Variants in M1AP observed in about 807,000 individuals in gnomAD.
The protein encoded by M1AP is meiosis 1 arrest protein.
A neutral mutation model predicts 51.2 loss-of-function variants in M1AP; 39 were observed. The observed-to-expected ratio is 0.76, with a 90% CI of 0.59 to 1.00. The LOEUF is 1.00. Ranked by LOEUF, M1AP falls within the 50% of genes least tolerant of loss-of-function variation. M1AP has a pLI of 0.00. For synonymous variants in M1AP, 251 were observed against 249.2 expected, an observed-to-expected ratio of 1.01 and a Z score of -0.07; for missense variants, 545 against 641.2, an observed-to-expected ratio of 0.85 and a Z score of 1.62.
chr2:74,561,238 G>GAGGAGAAGGAGGAGGAGGAGA (rs1677981733), intron 8 of M1AP, among the ~76,000 whole-genome samples: 1 of 146,130 alleles, frequency 6.8e-6, no homozygotes, highest in Non-Finnish European at 1.5e-5. Flanking sequence ...GGAGAAGGAG[G>GAGGAGAAGGAGGAGGAGGAGA]AGGAGGAGGA....
At chr2:74,645,398 A>G (rs1025191929) in intron 1 of M1AP, among the ~76,000 whole-genome samples, 2 of 152,170 alleles carry the variant, frequency 1.3e-5, no homozygotes, top group African/African-American at 4.8e-5. Flanking sequence ...GCTGGGCCAT[A>G]AGGCACGTAT....
At chr2:74,560,048 G>C (rs1364182648) in intron 9 of M1AP, 103 bp downstream of exon 9, 2 of 1,300,576 alleles carry the variant, frequency 1.5e-6, no homozygotes, top group Non-Finnish European at 2.1e-6. Context: ...TACTCCCTTG[G>C]ATGGGGGCGG....
chr2:74,561,531 C>T (rs1268312939), intron 8 of M1AP, among the ~76,000 whole-genome samples: 4 of 152,206 alleles, frequency 2.6e-5, no homozygotes, highest in East Asian at 1.9e-4. Flanking sequence ...CAGACACACT[C>T]GGGCACAAAA....
intron 4 of M1AP, among the ~76,000 whole-genome samples, chr2:74,591,127 T>A (rs774915054): frequency 1.3e-5 from 2 of 152,196 alleles, no homozygotes; most frequent in Non-Finnish European, 2.9e-5. Flanking sequence ...TAAGGGATGA[T>A]AGAGTATAAA....
chr2:74,562,561 G>T (rs1012373750), intron 7 of M1AP, 138 bp from the exon 8 acceptor site: 5 of 787,788 alleles, frequency 6.3e-6, no homozygotes, highest in Non-Finnish European at 1.0e-5. Flanking sequence ...CTGGTAGGGA[G>T]GGACTTCCTG....
chr2:74,593,777 A>T (rs1680176422), intron 4 of M1AP, among the ~76,000 whole-genome samples: 1 of 152,260 alleles, frequency 6.6e-6, no homozygotes, highest in Admixed American at 6.5e-5. Context: ...TAACCAAGTA[A>T]ACCAGCAAGG....
Position 74,575,500 on chromosome 2 carries a change from G to A in M1AP, c.1012C>T (p.Leu338=). 1 of 1,614,136 alleles carries A rather than the reference G, an allele frequency of 6.2e-7. No individual in the cohort carries two copies. The highest frequency in any genetic ancestry group is 1.1e-5 in the South Asian group (1 of 91,088). The part of the protein sequence containing the change: ...FILRPTSCWQ[L]DWDELETNQQ... ...TTTGTCTCCAGCTCATCCCAGTCCA[G>A]CTGCCAACAGCTTGTAGGTCTGAGG... The change falls in exon 7 of 11, where the codon CTG becomes TTG. Residue 338 remains leucine (L), a synonymous_variant. Transcript: ENST00000421985.
intron 7 of M1AP, 135 bp downstream of exon 7, chr2:74,575,302 CA>C: frequency 1.4e-6 from 2 of 1,469,392 alleles, no homozygotes; most frequent in South Asian, 2.8e-5. Flanking sequence ...CTCCAAATTT[CA>C]GAGTATTTCC....
chr2:74,558,979 C>T, intron 10 of M1AP, 105 bp from the exon 11 acceptor site: 2 of 1,128,996 alleles, frequency 1.8e-6, no homozygotes, highest in Non-Finnish European at 2.4e-6. Flanking sequence ...AGTTCATTCC[C>T]TGGAGTGACA....
intron 10 of M1AP, among the ~76,000 whole-genome samples, chr2:74,559,365 G>T (rs545854518): frequency 6.0e-4 from 92 of 152,142 alleles, no homozygotes; most frequent in South Asian, 6.0e-3. Context: ...TTGCCATGTT[G>T]CCCAGGCTGG....
chr2:74,594,721 A>G (rs1320470035), intron 4 of M1AP, among the ~76,000 whole-genome samples: 4 of 152,048 alleles, frequency 2.6e-5, no homozygotes, highest in Admixed American at 1.3e-4. Flanking sequence ...AAAAAAAATT[A>G]CAAAAATTAG....
Position 74,612,923 on chromosome 2 carries a change from C to A in M1AP, c.426+2041G>T, listed in dbSNP as rs1424759081. Among the ~76,000 whole-genome samples, 6 of 151,990 alleles carry A rather than the reference C, an allele frequency of 3.9e-5. No individual in the cohort carries two copies. In the East Asian group the frequency reaches 1.2e-3, roughly 29 times the overall value. ...GTATTCCCGTTACATGTAAGTCGTA[C>A]CTTTTATAGTTGTCCCACAGTTCTT... On this transcript the variant is annotated intron_variant, in intron 3 of 10. Coordinates refer to ENST00000421985, the MANE Select transcript of M1AP (RefSeq NM_001321739.2).
At chr2:74,586,400 A>T (rs1277621498) in intron 4 of M1AP, among the ~76,000 whole-genome samples, 3 of 151,850 alleles carry the variant, frequency 2.0e-5, no homozygotes, top group Admixed American at 6.6e-5. Context: ...TTTTCCTGTA[A>T]CTCTTGAGCT....
Position 74,558,822 on chromosome 2 carries a change from A to T in M1AP, c.1487T>A (p.Met496Lys). 6.2e-7 allele frequency: 1 copy of T among 1,608,428 alleles called. No homozygotes were observed. The highest frequency in any genetic ancestry group is 8.5e-7 in the Non-Finnish European group (1 of 1,177,776). Residue 496 changes from methionine (M) to lysine (K), a missense_variant, in exon 11 of 11, where the codon ATG becomes AAG. Transcript: ENST00000421985. ...GGAGGCTCTGCCTGGGACAGGAGTC[A>T]TAGGCAGGGGGGCCACAGTAGCTCG... Reference protein sequence around the residue: ...RARATVAPLPMTPVPGRASKM... With the variant: ...RARATVAPLPKTPVPGRASKM...
chr2:74,607,681 G>A (rs1212545515), intron 3 of M1AP, among the ~76,000 whole-genome samples: 1 of 152,008 alleles, frequency 6.6e-6, no homozygotes, highest in African/African-American at 2.4e-5. Context: ...TCACCATGTT[G>A]GTCAGGCTGG....
rs541917837 is a variant in M1AP, at chr2:74,557,899, T to G, written c.*817A>C. 6 of 146,084 alleles carry G rather than the reference T, an allele frequency of 4.1e-5. No homozygotes were observed. Among genetic ancestry groups the G allele is most frequent in the African/African-American group, 1.6e-4 (6 of 37,954 alleles). 9.0% of individuals were successfully genotyped at this position (146,084 alleles called of 1,614,324 possible). On this transcript the variant is annotated 3_prime_UTR_variant, in exon 11 of 11. Transcript: ENST00000421985. ...AGCACAGGGTGTTTTTTTAAAAGTT[T>G]TTATTATTTATGTAGAGATGGCGGG... is the stretch of plus-strand genomic sequence containing the variant.
At chr2:74,586,932 G>A (rs1188076189) in intron 4 of M1AP, among the ~76,000 whole-genome samples, 2 of 151,740 alleles carry the variant, frequency 1.3e-5, no homozygotes, top group Non-Finnish European at 2.9e-5. Context: ...AACCTGGGAG[G>A]TGGAGGTTGC....
chr2:74,644,841 T>C (rs547447451), intron 1 of M1AP, among the ~76,000 whole-genome samples: 1 of 152,320 alleles, frequency 6.6e-6, no homozygotes, highest in East Asian at 1.9e-4. Context: ...CATGGAATGC[T>C]GAACTTGAAG....
intron 4 of M1AP, among the ~76,000 whole-genome samples, chr2:74,602,781 A>G (rs764770065): frequency 6.6e-6 from 1 of 152,216 alleles, no homozygotes. Context: ...CGATTTATGG[A>G]AGGATGCATT....
Sources: allele counts gnomAD v4.1 joint callset (sites outside exome capture counted in the v4.1 genomes callset), GRCh38; gene constraint gnomAD v4.1.1; transcripts MANE v1.5; gene names NCBI Gene and HGNC (gene_info 2026-07-23, HGNC 2026-07-21).